HGSNAT: variants seen among roughly 807,000 people sequenced by gnomAD.
The protein encoded by HGSNAT is transmembrane protein 76.
In HGSNAT, 59 loss-of-function variants were observed where a neutral mutation model predicts 85.2. The observed-to-expected ratio is 0.69, with a 90% confidence interval of 0.56 to 0.86. The LOEUF (loss-of-function observed/expected upper bound fraction) is 0.86, where lower values mean the gene tolerates loss of function less well. Among genes scored for constraint, HGSNAT ranks in the 40% least tolerant of loss-of-function variants. The probability of loss-of-function intolerance (pLI) is 0.00; values close to 1 mark genes in which losing one functional copy is unlikely to be tolerated. For synonymous variants in HGSNAT, 321 were observed against 304.5 expected, an observed-to-expected ratio of 1.05 and a Z score of -0.56; for missense variants, 756 against 777.1, an observed-to-expected ratio of 0.97 and a Z score of 0.32.
At chr8:43,143,526 G>C (rs6984021) in intron 1 of HGSNAT, among the ~76,000 whole-genome samples, 156 of 151,804 alleles carry the variant, frequency 1.0e-3, no homozygotes, top group African/African-American at 3.5e-3. Flanking sequence ...GACACCAGGA[G>C]CTATTTCTTT....
At chr8:43,190,026 G>C (rs779730451) in intron 11 of HGSNAT, among the ~76,000 whole-genome samples, 1 of 152,162 alleles carries the variant, frequency 6.6e-6, no homozygotes, top group Admixed American at 6.5e-5. Context: ...TTCATGTAAC[G>C]TTTTGGTATC....
chr8:43,183,267 A>G (rs894859954), intron 11 of HGSNAT, among the ~76,000 whole-genome samples: 2 of 150,794 alleles, frequency 1.3e-5, no homozygotes, highest in Non-Finnish European at 3.0e-5. Context: ...CCCAGGCTCA[A>G]GCGATTCTCC....
intron 11 of HGSNAT, among the ~76,000 whole-genome samples, chr8:43,184,066 T>C (rs1369865418): frequency 5.9e-5 from 9 of 152,210 alleles, no homozygotes; most frequent in African/African-American, 2.2e-4. Context: ...TCCAAGTCTT[T>C]GCTATTGTGA....
chr8:43,163,829 T>A (rs1428907651), intron 5 of HGSNAT, among the ~76,000 whole-genome samples: 1 of 152,206 alleles, frequency 6.6e-6, no homozygotes, highest in East Asian at 1.9e-4. Context: ...CTTCTTTAGA[T>A]GTGTCTATTT....
intron 9 of HGSNAT, chr8:43,174,309 A>T (rs1205339869): frequency 6.6e-6 from 1 of 152,232 alleles, no homozygotes; most frequent in Admixed American, 6.5e-5. Context: ...CTTGTAGGAA[A>T]TTATACATTC....
rs188665183 is a variant in HGSNAT at position 43,181,236 on chromosome 8, C to T, written c.1013-909C>T. Among the ~76,000 whole-genome samples, 6 of 131,120 alleles carry T rather than the reference C, an allele frequency of 4.6e-5. No individual in the cohort carries two copies. In the East Asian group the frequency reaches 1.4e-3, roughly 31 times the overall value. 86.0% of individuals were successfully genotyped at this position (131,120 alleles called of 152,430 possible). On this transcript the variant is annotated intron_variant, in intron 10 of 17. Coordinates refer to ENST00000379644, the MANE Select transcript of HGSNAT (RefSeq NM_152419.3). Reference sequence around the variant, plus strand: ...GGGAGAGGGAGAGGGAGAGGGAGAGCATTTCATCAGCTTTCGATAGTGTGC... The same window carrying T: ...GGGAGAGGGAGAGGGAGAGGGAGAGTATTTCATCAGCTTTCGATAGTGTGC...
At chr8:43,181,475 C>T (rs1804121321) in intron 10 of HGSNAT, among the ~76,000 whole-genome samples, 1 of 152,070 alleles carries the variant, frequency 6.6e-6, no homozygotes, top group Admixed American at 6.5e-5. Context: ...AGGACACAAA[C>T]ATCTAGACAA....
At chr8:43,193,883 TATG>T in intron 14 of HGSNAT, 40 bp downstream of exon 14, 1 of 1,604,822 alleles carries the variant, frequency 6.2e-7, no homozygotes, top group Middle Eastern at 1.7e-4. Flanking sequence ...TCTGACAATT[TATG>T]ATATTTTATT....
At chr8:43,161,595 T>C (rs1563363000) in intron 5 of HGSNAT, 88 bp downstream of exon 5, 2 of 908,638 alleles carry the variant, frequency 2.2e-6, no homozygotes, top group Non-Finnish European at 1.7e-6. Flanking sequence ...CAAGTGGCCA[T>C]ATTCTTCGAT....
chr8:43,199,354 G>C (rs377125563), intron 17 of HGSNAT, 34 bp from the exon 18 acceptor site: 160 of 1,463,168 alleles, frequency 1.1e-4, no homozygotes, highest in Non-Finnish European at 1.5e-4. Context: ...TCATCTGTGA[G>C]AAACATGATC....
rs1260581593 is a variant in HGSNAT at position 43,151,679 on chromosome 8, A to G, written c.234+4616A>G. On this transcript the variant is annotated intron_variant, in intron 2 of 17. Coordinates refer to ENST00000379644, the MANE Select transcript of HGSNAT (RefSeq NM_152419.3). Reference sequence around the variant, plus strand: ...TAAGGGTTATAATATAAATACGAGCATTTCGTTGAAAATCTTTAGATCAGG... The same window carrying G: ...TAAGGGTTATAATATAAATACGAGCGTTTCGTTGAAAATCTTTAGATCAGG... Among the ~76,000 whole-genome samples, 3 of 152,220 alleles carry G rather than the reference A, an allele frequency of 2.0e-5. No individual in the cohort carries two copies. In the East Asian group the frequency reaches 5.8e-4, roughly 29 times the overall value.
chr8:43,144,853 G>A (rs1221202505), intron 1 of HGSNAT, among the ~76,000 whole-genome samples: 1 of 152,162 alleles, frequency 6.6e-6, no homozygotes, highest in Admixed American at 6.5e-5. Flanking sequence ...TGAAGACAAA[G>A]CTTAGATTCA....
Position 43,189,350 on chromosome 8 carries a change from C to G in HGSNAT, c.1129-2124C>G, listed in dbSNP as rs574655184. ...CAGCAATGGCGGATGCCCTTCCCCC[C>G]AGCCTCGCTGCCACCTTGCAGTTTG... On this transcript the variant is annotated intron_variant, in intron 11 of 17. Transcript: ENST00000379644. 5.5e-4 allele frequency among the ~76,000 whole-genome samples: 84 copies of G among 152,292 alleles called. 1 individual carries two copies. The highest frequency in any genetic ancestry group is 1.5e-3 in the South Asian group (7 of 4,824).
At chr8:43,155,224 A>G (rs1472360813) in intron 2 of HGSNAT, among the ~76,000 whole-genome samples, 1 of 152,130 alleles carries the variant, frequency 6.6e-6, no homozygotes. Context: ...CTTTCTCCAC[A>G]TCCTTGCCAG....
intron 1 of HGSNAT, among the ~76,000 whole-genome samples, chr8:43,145,587 C>T (rs923198593): frequency 1.3e-5 from 2 of 152,040 alleles, no homozygotes; most frequent in Non-Finnish European, 2.9e-5. Flanking sequence ...CCCGTCACTA[C>T]TAAAAATACA....
chr8:43,193,497 C>T (rs1016242220), intron 13 of HGSNAT, among the ~76,000 whole-genome samples: 1 of 152,150 alleles, frequency 6.6e-6, no homozygotes, highest in Non-Finnish European at 1.5e-5. Flanking sequence ...CTGTTTGCTG[C>T]CCCCGCTGCA....
chr8:43,141,179 CG>C (rs1257455514), intron 1 of HGSNAT, among the ~76,000 whole-genome samples: 2 of 152,166 alleles, frequency 1.3e-5, no homozygotes, highest in Non-Finnish European at 2.9e-5. Context: ...GGATGTGCGG[CG>C]GGTGAGGAAC....
At chr8:43,182,911 C>T (rs991993787) in intron 11 of HGSNAT, among the ~76,000 whole-genome samples, 5 of 152,210 alleles carry the variant, frequency 3.3e-5, no homozygotes, top group Admixed American at 1.3e-4. Context: ...ATAAAATACA[C>T]GACATGAGAT....
chr8:43,186,311 C>G (rs531010247), intron 11 of HGSNAT, among the ~76,000 whole-genome samples: 1 of 152,296 alleles, frequency 6.6e-6, no homozygotes, highest in African/African-American at 2.4e-5. Context: ...GCTTCAATTT[C>G]AGAGCCTGTT....
Sources: allele counts gnomAD v4.1 joint callset (sites outside exome capture counted in the v4.1 genomes callset), GRCh38; gene constraint gnomAD v4.1.1; transcripts MANE v1.5; gene names NCBI Gene and HGNC (gene_info 2026-07-23, HGNC 2026-07-21).